Variants in SLC6A16 observed in about 807,000 individuals in gnomAD.
SLC6A16 encodes the protein solute carrier family 6 member 16, also known as orphan sodium- and chloride-dependent neurotransmitter transporter NTT5.
In SLC6A16, 54 loss-of-function variants were observed where a neutral mutation model predicts 65.4. The ratio of observed to expected loss-of-function variants is 0.83; its 90% confidence interval spans 0.66 to 1.04. SLC6A16 has a LOEUF of 1.04. Among genes scored for constraint, SLC6A16 ranks in the 50% least tolerant of loss-of-function variants. SLC6A16 has a pLI of 0.00. For missense variants in SLC6A16, 816 were observed against 914.0 expected (o/e 0.89, Z 1.38); for synonymous variants, 330 against 346.5 (o/e 0.95, Z 0.53).
the SLC6A16 span, among the ~76,000 whole-genome samples, chr19:49,332,646 C>T: frequency 1.3e-5 from 2 of 152,192 alleles, no homozygotes; most frequent in African/African-American, 4.8e-5. Context: ...TGTAATTATA[C>T]CCGCAAAACC....
chr19:49,302,585 G>A (rs1273998440), intron 7 of SLC6A16, among the ~76,000 whole-genome samples: 1 of 152,128 alleles, frequency 6.6e-6, no homozygotes, highest in Non-Finnish European at 1.5e-5. Flanking sequence ...ATGAAGAATT[G>A]GAGAATCATG....
At chr19:49,321,367 G>A (rs575847891) in intron 1 of SLC6A16, among the ~76,000 whole-genome samples, 2 of 151,130 alleles carry the variant, frequency 1.3e-5, no homozygotes, top group Non-Finnish European at 2.9e-5. Flanking sequence ...AGGAAAATAC[G>A]GCTGGGCATG....
chr19:49,336,016 G>C, the SLC6A16 span: 1 of 577,136 alleles, frequency 1.7e-6, no homozygotes, highest in South Asian at 2.2e-5. Context: ...CCTATCTGTC[G>C]GGACTTGTGG....
intron 10 of SLC6A16, 55 bp from the exon 11 acceptor site, chr19:49,290,822 G>A: frequency 1.4e-6 from 2 of 1,474,130 alleles, no homozygotes; most frequent in Non-Finnish European, 1.8e-6. Flanking sequence ...CCACCTTGGA[G>A]GCAGGGCCAG....
chr19:49,333,215 G>A, the SLC6A16 span, among the ~76,000 whole-genome samples: 1 of 151,972 alleles, frequency 6.6e-6, no homozygotes, highest in Non-Finnish European at 1.5e-5. Context: ...GCTCATGCCT[G>A]TAATCCCAGC....
chr19:49,300,976 C>A (rs773985296), intron 7 of SLC6A16, among the ~76,000 whole-genome samples: 69 of 152,044 alleles, frequency 4.5e-4, no homozygotes, highest in Middle Eastern at 3.4e-3. Context: ...TGCTTGATTC[C>A]GGGAGGCGGA....
rs5828385 is a variant in SLC6A16, at chr19:49,313,072, C to CAAAAAAAAAAAAAAAAAAAAAA, written c.-64-1683_-64-1662dup. 2.6e-4 allele frequency among the ~76,000 whole-genome samples: 25 copies of CAAAAAAAAAAAAAAAAAAAAAA among 95,774 alleles called. 1 individual carries two copies. The highest frequency in any genetic ancestry group is 1.1e-3 in the African/African-American group (21 of 18,976). The allele number at this position is 95,774 out of a possible 152,430, so 62.8% of individuals were successfully genotyped here. A position where few individuals can be genotyped will look rare whatever the true frequency, so the allele number is the denominator to read the frequency against. ...CACTCCAGCCTGGGCAACCCTGTCT[C>CAAAAAAAAAAAAAAAAAAAAAA]AAAAAAAAAAAAAAAAAAAAAAAGA... is the stretch of plus-strand genomic sequence containing the variant. On this transcript the variant is annotated intron_variant, in intron 1 of 11. Transcript: ENST00000335875.
chr19:49,338,760 A>T, the SLC6A16 span: 1 of 1,613,578 alleles, frequency 6.2e-7, no homozygotes, highest in Middle Eastern at 1.6e-4. The surrounding 1 kb of genome is among the most constrained non-coding windows in gnomAD (Gnocchi z 5.0). Context: ...CCTGAGAGGT[A>T]ACGGGTCGGA....
At chr19:49,331,656 C>T in the SLC6A16 span, 1 of 424,030 alleles carries the variant, frequency 2.4e-6, no homozygotes, top group Non-Finnish European at 4.8e-6. Context: ...AAGGATAATT[C>T]TCAGCTTCCT....
chr19:49,325,001 C>T (rs774141004), intron 1 of SLC6A16, 47 bp downstream of exon 1: 20 of 976,368 alleles, frequency 2.0e-5, no homozygotes, highest in Non-Finnish European at 2.4e-5. Context: ...GCCCCACACA[C>T]CCCAGATGTG....
At chr19:49,296,916 G>T (rs1208877334) in intron 7 of SLC6A16, among the ~76,000 whole-genome samples, 1 of 152,186 alleles carries the variant, frequency 6.6e-6, no homozygotes, top group Admixed American at 6.5e-5. Flanking sequence ...TTGAGCCTGG[G>T]AGGCAGAGGC....
Position 49,292,619 on chromosome 19 carries a change from C to T in SLC6A16, c.1778+604G>A, listed in dbSNP as rs1375074570. On this transcript the variant is annotated intron_variant, in intron 10 of 11. Transcript: ENST00000335875. The surrounding 1 kb of genome is among the most constrained non-coding windows in gnomAD (Gnocchi z 4.3). ...CTACATGACTTGGCCACCATCACTT[C>T]TCTAGCCCCATCTCCTAATATCTTC... is the stretch of plus-strand genomic sequence containing the variant. Among the ~76,000 whole-genome samples, 1 of 152,196 alleles carries T rather than the reference C, an allele frequency of 6.6e-6. No homozygotes were observed. The highest frequency in any genetic ancestry group is 2.4e-5 in the African/African-American group (1 of 41,454).
the SLC6A16 span, chr19:49,335,497 C>A: frequency 1.4e-6 from 2 of 1,400,894 alleles, no homozygotes; most frequent in Non-Finnish European, 2.0e-6. This position sits in a 1 kb window ranked among gnomAD's most constrained non-coding sequence, Gnocchi z 4.6. Context: ...ACTGTCAGCA[C>A]CTCTTCTGTG....
the SLC6A16 span, chr19:49,337,530 G>A: frequency 1.2e-6 from 1 of 848,380 alleles, no homozygotes. Flanking sequence ...GTCGAGGTGG[G>A]AGGATCACTT....
intron 1 of SLC6A16, among the ~76,000 whole-genome samples, chr19:49,313,071 T>TAAAAAAA (rs1970552184): frequency 2.2e-5 from 1 of 45,294 alleles, no homozygotes; most frequent in African/African-American, 1.9e-4. Context: ...CAACCCTGTC[T>TAAAAAAA]CAAAAAAAAA....
At chr19:49,310,575 G>A (rs1411150582) in intron 2 of SLC6A16, 65 bp from the exon 3 acceptor site, 5 of 1,579,540 alleles carry the variant, frequency 3.2e-6, no homozygotes, top group African/African-American at 2.7e-5. Flanking sequence ...GACTCCAGGA[G>A]CCCAGGAAAA....
chr19:49,338,005 G>C, the SLC6A16 span: 2 of 1,614,002 alleles, frequency 1.2e-6, no homozygotes, highest in East Asian at 2.2e-5. This position sits in a 1 kb window ranked among gnomAD's most constrained non-coding sequence, Gnocchi z 5.0. Flanking sequence ...CGGCCGAGGA[G>C]AGCTGGGACT....
chr19:49,321,098 T>C (rs780189699), intron 1 of SLC6A16, among the ~76,000 whole-genome samples: 1 of 152,034 alleles, frequency 6.6e-6, no homozygotes, highest in African/African-American at 2.4e-5. Context: ...TGAACTTTGA[T>C]GCAAAAATCC....
the SLC6A16 span, chr19:49,337,544 C>A: frequency 1.0e-6 from 1 of 972,820 alleles, no homozygotes; most frequent in Non-Finnish European, 1.4e-6. Flanking sequence ...ATCACTTGAG[C>A]CAGGGAGTTT....
Sources: gnomAD v4.1 joint callset for allele counts (sites outside exome capture counted in the v4.1 genomes callset) on GRCh38, gnomAD v4.1.1 for gene constraint, Gnocchi (gnomAD v3.1) non-coding constraint, MANE v1.5 for transcripts, NCBI Gene and HGNC (gene_info 2026-07-23, HGNC 2026-07-21) for gene names.